Variants in CPAP observed in about 807,000 individuals in gnomAD.
The protein encoded by CPAP is centrosome assembly and centriole elongation protein.
chr13:24,932,447 G>A, the CPAP span, among the ~76,000 whole-genome samples: 3 of 152,226 alleles, frequency 2.0e-5, no homozygotes, highest in Non-Finnish European at 1.5e-5. Flanking sequence ...CTGTACTCCA[G>A]CCTGGGTGTC....
chr13:24,932,234 A>G, the CPAP span, among the ~76,000 whole-genome samples: 1 of 152,222 alleles, frequency 6.6e-6, no homozygotes, highest in Non-Finnish European at 1.5e-5. Context: ...TCTTTGAGGG[A>G]GGCTGTTAGA....
chr13:24,920,056 G>A, the CPAP span, among the ~76,000 whole-genome samples: 2 of 152,190 alleles, frequency 1.3e-5, no homozygotes, highest in African/African-American at 4.8e-5. Context: ...ACAGGTGTGA[G>A]TCACTGCGCC....
At chr13:24,928,326 G>T in the CPAP span, among the ~76,000 whole-genome samples, 1 of 152,204 alleles carries the variant, frequency 6.6e-6, no homozygotes, top group Non-Finnish European at 1.5e-5. Flanking sequence ...CATGTGTCTG[G>T]CCTCTAGACA....
the CPAP span, among the ~76,000 whole-genome samples, chr13:24,929,066 T>A: frequency 9.8e-5 from 15 of 152,342 alleles, no homozygotes; most frequent in Non-Finnish European, 1.8e-4. Flanking sequence ...TCTGTAGGTT[T>A]TTATTACACA....
chr13:24,892,672 G>C, the CPAP span: 6 of 1,614,006 alleles, frequency 3.7e-6, no homozygotes, highest in Non-Finnish European at 5.1e-6. Flanking sequence ...TCCACCTCGA[G>C]GCTGCTCTCT....
chr13:24,906,895 A>C, the CPAP span: 1 of 1,613,958 alleles, frequency 6.2e-7, no homozygotes, highest in South Asian at 1.1e-5. Flanking sequence ...ATCTAGCTAA[A>C]CCTTCTCCTC....
the CPAP span, among the ~76,000 whole-genome samples, chr13:24,891,529 T>A: frequency 1.3e-5 from 2 of 152,124 alleles, no homozygotes; most frequent in Non-Finnish European, 2.9e-5. Context: ...CTAAGCACAG[T>A]TGAGGCCATT....
chr13:24,894,717 G>A, the CPAP span, among the ~76,000 whole-genome samples: 9 of 152,154 alleles, frequency 5.9e-5, no homozygotes, highest in Non-Finnish European at 1.0e-4. Flanking sequence ...GGAGACAGAA[G>A]GCGGAGGCGG....
chr13:24,886,386 C>T, the CPAP span: 4 of 1,288,612 alleles, frequency 3.1e-6, no homozygotes, highest in Non-Finnish European at 1.0e-6. Flanking sequence ...TGTGCTGTGC[C>T]TGTGAGACAG....
chr13:24,929,901 A>ATT, the CPAP span, among the ~76,000 whole-genome samples: 125 of 100,900 alleles, frequency 1.2e-3, 1 homozygote, highest in African/African-American at 2.2e-3. Flanking sequence ...TCACTTGTGA[A>ATT]TTTTTTTTTT....
At chr13:24,882,331 G>A in the CPAP span, 1 of 151,392 alleles carries the variant, frequency 6.6e-6, no homozygotes, top group Non-Finnish European at 1.5e-5. Flanking sequence ...GGAATTGATA[G>A]ATTTCATTAA....
At chr13:24,925,746 G>A in the CPAP span, 32 of 152,794 alleles carry the variant, frequency 2.1e-4, no homozygotes, top group African/African-American at 7.7e-4. Flanking sequence ...CCTCCAGGGA[G>A]AATAAGCTGA....
chr13:24,894,700 G>A, the CPAP span, among the ~76,000 whole-genome samples: 3 of 152,192 alleles, frequency 2.0e-5, no homozygotes, highest in African/African-American at 7.2e-5. Context: ...GGGGCAGAAC[G>A]CGCGGAGGAG....
chr13:24,917,478 T>C, the CPAP span, among the ~76,000 whole-genome samples: 4 of 152,340 alleles, frequency 2.6e-5, no homozygotes, highest in South Asian at 2.1e-4. Context: ...AACCACTGCA[T>C]GGCATAAGAT....
At chr13:24,901,137 A>C in the CPAP span, among the ~76,000 whole-genome samples, 4 of 152,176 alleles carry the variant, frequency 2.6e-5, no homozygotes, top group Non-Finnish European at 2.9e-5. Context: ...AGCAGACAGA[A>C]AAGGTAAAAG....
the CPAP span, among the ~76,000 whole-genome samples, chr13:24,893,214 G>A: frequency 1.3e-5 from 2 of 152,144 alleles, no homozygotes; most frequent in Non-Finnish European, 2.9e-5. Context: ...AAATGCAATA[G>A]GAACTCATGA....
At chr13:24,894,048 C>A in the CPAP span, among the ~76,000 whole-genome samples, 2 of 151,892 alleles carry the variant, frequency 1.3e-5, no homozygotes, top group Non-Finnish European at 2.9e-5. Context: ...GGAGGCAGCG[C>A]GTGTGGGAAG....
the CPAP span, among the ~76,000 whole-genome samples, chr13:24,917,500 G>A: frequency 6.6e-6 from 1 of 152,084 alleles, no homozygotes; most frequent in Non-Finnish European, 1.5e-5. Flanking sequence ...CTGCTGTACT[G>A]AAGCCCATGT....
chr13:24,929,616 T>C, the CPAP span, among the ~76,000 whole-genome samples: 2 of 152,250 alleles, frequency 1.3e-5, no homozygotes, highest in East Asian at 3.8e-4. Context: ...TTTATCATAC[T>C]TGAAGTTCAT....
Sources: gnomAD v4.1 joint callset for allele counts (sites outside exome capture counted in the v4.1 genomes callset) on GRCh38, gnomAD v4.1.1 for gene constraint, MANE v1.5 for transcripts, NCBI Gene and HGNC (gene_info 2026-07-23, HGNC 2026-07-21) for gene names.